Variants in PCDH11Y observed in about 807,000 individuals in gnomAD.
PCDH11Y encodes the protein protocadherin-11 Y-linked.
For missense variants in PCDH11Y, 12 were observed against 224.8 expected, an observed-to-expected ratio of 0.05 and a Z score of 6.05; for synonymous variants, 9 against 83.6, an observed-to-expected ratio of 0.11 and a Z score of 4.87.
chrY:5,154,786 G>T, intron 2 of PCDH11Y, among the ~76,000 whole-genome samples: 1 of 32,428 alleles, frequency 3.1e-5, no homozygotes, highest in South Asian at 6.9e-4. Flanking sequence ...AAAACTATTT[G>T]CATGTTGGTC....
At chrY:5,374,461 GTA>G (rs757437915) in intron 2 of PCDH11Y, among the ~76,000 whole-genome samples, 12 of 26,854 alleles carry the variant, frequency 4.5e-4, no homozygotes, top group Admixed American at 2.2e-3. Context: ...ATATATATGT[GTA>G]TATATATATA....
chrY:5,313,382 T>G, intron 2 of PCDH11Y, among the ~76,000 whole-genome samples: 1 of 33,484 alleles, frequency 3.0e-5, no homozygotes, highest in Admixed American at 2.8e-4. Context: ...CAAGAATTGG[T>G]TTTTCTTTCC....
At chrY:5,108,046 C>A (rs1602868694), downstream of PCDH11Y, among the ~76,000 whole-genome samples, 1 of 13,319 alleles carries the variant, frequency 7.5e-5, no homozygotes, top group Non-Finnish European at 1.4e-4. Context: ...GCGACAGAGC[C>A]AGAGGCTGTC....
At chrY:5,241,139 AT>A (rs71243505) in intron 2 of PCDH11Y, among the ~76,000 whole-genome samples, 5 of 26,355 alleles carry the variant, frequency 1.9e-4, no homozygotes, top group Admixed American at 7.2e-4. Flanking sequence ...TGCTAACTTC[AT>A]TTTTTTTTTT....
intron 3 of PCDH11Y, among the ~76,000 whole-genome samples, chrY:5,042,500 T>C: frequency 3.6e-5 from 1 of 27,816 alleles, no homozygotes; most frequent in Non-Finnish European, 8.4e-5. Flanking sequence ...CCATGCTGTT[T>C]TGGTTACTGT....
At chrY:5,364,009 A>G in intron 2 of PCDH11Y, among the ~76,000 whole-genome samples, 1 of 28,939 alleles carries the variant, frequency 3.5e-5, no homozygotes, top group Non-Finnish European at 8.1e-5. Context: ...CACCCGCCAC[A>G]TTTTTGTATT....
intron 4 of PCDH11Y, among the ~76,000 whole-genome samples, chrY:5,706,890 G>A: frequency 3.1e-5 from 1 of 31,870 alleles, no homozygotes; most frequent in Admixed American, 2.9e-4. Context: ...TGATGTGTGT[G>A]TTGCCAGAAT....
chrY:5,487,204 C>G, intron 2 of PCDH11Y, among the ~76,000 whole-genome samples: 1 of 29,036 alleles, frequency 3.4e-5, no homozygotes, highest in South Asian at 7.9e-4. Flanking sequence ...TTTGTTGTTT[C>G]TTTGTTTGTT....
At chrY:5,384,221 C>G (rs2053208611) in intron 2 of PCDH11Y, among the ~76,000 whole-genome samples, 2 of 32,260 alleles carry the variant, frequency 6.2e-5, no homozygotes, top group East Asian at 8.0e-4. Context: ...TAGGTAGAAT[C>G]TCTCAGTCTG....
At chrY:5,507,173 G>A in intron 3 of PCDH11Y, among the ~76,000 whole-genome samples, 1 of 32,951 alleles carries the variant, frequency 3.0e-5, no homozygotes, top group South Asian at 6.5e-4. Flanking sequence ...AATGTGCTTA[G>A]GCAGGTATAA....
intron 3 of PCDH11Y, among the ~76,000 whole-genome samples, chrY:5,046,284 G>A: frequency 3.0e-5 from 1 of 33,393 alleles, no homozygotes; most frequent in African/African-American, 1.2e-4. Context: ...GTACAGATGG[G>A]TTTTTGGTGT....
chrY:5,713,845 T>G, intron 4 of PCDH11Y, among the ~76,000 whole-genome samples: 1 of 31,061 alleles, frequency 3.2e-5, no homozygotes, highest in Non-Finnish European at 7.7e-5. Flanking sequence ...TTACATAGAC[T>G]GAATTAATGA....
intron 4 of PCDH11Y, among the ~76,000 whole-genome samples, chrY:5,701,972 T>C: frequency 3.0e-5 from 1 of 33,434 alleles, no homozygotes; most frequent in Non-Finnish European, 7.4e-5. Context: ...CTTTAAGATT[T>C]CACTGCCCCA....
intron 2 of PCDH11Y, among the ~76,000 whole-genome samples, chrY:5,326,298 C>G (rs2124666533): frequency 1.5e-4 from 5 of 32,520 alleles, no homozygotes; most frequent in Admixed American, 2.9e-4. Flanking sequence ...TTGAGTAAAG[C>G]TAATTTGCCA....
intron 2 of PCDH11Y, among the ~76,000 whole-genome samples, chrY:5,336,528 C>T: frequency 4.0e-5 from 1 of 24,878 alleles, no homozygotes; most frequent in Non-Finnish European, 8.8e-5. Flanking sequence ...GGATTACAAG[C>T]GTGAGCCACT....
At chrY:5,709,981 C>T in intron 4 of PCDH11Y, among the ~76,000 whole-genome samples, 9 of 32,548 alleles carry the variant, frequency 2.8e-4, no homozygotes, top group Non-Finnish European at 5.3e-4. Context: ...ATCCCCTCTT[C>T]AAATTGCCCT....
At chrY:5,144,856 T>C in intron 2 of PCDH11Y, among the ~76,000 whole-genome samples, 1 of 26,690 alleles carries the variant, frequency 3.7e-5, no homozygotes, top group Non-Finnish European at 8.4e-5. Flanking sequence ...GGTTCGCTCT[T>C]GTATATTCTA....
chrY:5,356,059 G>A (rs2124670908), intron 2 of PCDH11Y, among the ~76,000 whole-genome samples: 6 of 33,113 alleles, frequency 1.8e-4, no homozygotes, highest in Admixed American at 1.7e-3. Context: ...CTGAGGGTCG[G>A]GCTGCTATTT....
chrY:5,572,101 A>G, intron 3 of PCDH11Y, among the ~76,000 whole-genome samples: 1 of 33,176 alleles, frequency 3.0e-5, no homozygotes, highest in African/African-American at 1.2e-4. Flanking sequence ...GATTGAAAAC[A>G]TGTAACATTT....
Sources: gnomAD v4.1 joint callset for allele counts (sites outside exome capture counted in the v4.1 genomes callset) on GRCh38, gnomAD v4.1.1 for gene constraint, MANE v1.5 for transcripts, NCBI Gene and HGNC (gene_info 2026-07-23, HGNC 2026-07-21) for gene names.